MSI2: variants seen among roughly 807,000 people sequenced by gnomAD.
The protein encoded by MSI2 is musashi RNA binding protein 2.
Under a neutral mutation model 45.6 loss-of-function variants are expected in MSI2, and 17 were observed. The observed-to-expected ratio is 0.37, with a 90% confidence interval of 0.26 to 0.56. The LOEUF is 0.56. MSI2 is among the 20% of genes least tolerant of loss of function. The probability of loss-of-function intolerance (pLI) is 0.77; values close to 1 mark genes in which losing one functional copy is unlikely to be tolerated. For missense variants in MSI2, 293 were observed against 444.2 expected (o/e 0.66, Z 3.06); for synonymous variants, 156 against 158.2 (o/e 0.99, Z 0.11).
chr17:57,400,445 C>T (rs540233201), intron 5 of MSI2, among the ~76,000 whole-genome samples: 6 of 152,226 alleles, frequency 3.9e-5, no homozygotes, highest in African/African-American at 1.4e-4. Context: ...TTTTTTCACA[C>T]GTACATCTAC....
At chr17:57,508,301 A>G (rs1244391709) in intron 6 of MSI2, among the ~76,000 whole-genome samples, 2 of 152,146 alleles carry the variant, frequency 1.3e-5, no homozygotes, top group African/African-American at 4.8e-5. Flanking sequence ...GCCCGTATCC[A>G]GCGCAGACTT....
chr17:57,380,660 G>A (rs2083583708), intron 5 of MSI2, among the ~76,000 whole-genome samples: 1 of 152,202 alleles, frequency 6.6e-6, no homozygotes, highest in Non-Finnish European at 1.5e-5. Flanking sequence ...GTGGATGTGG[G>A]TTTTGCCTTC....
At chr17:57,560,634 G>A (rs946002338) in intron 7 of MSI2, among the ~76,000 whole-genome samples, 1 of 152,310 alleles carries the variant, frequency 6.6e-6, no homozygotes, top group Admixed American at 6.5e-5. Flanking sequence ...CTCCTTATCT[G>A]CAAGATGGGG....
intron 5 of MSI2, among the ~76,000 whole-genome samples, chr17:57,309,507 C>T (rs1912192563): frequency 1.3e-5 from 2 of 152,190 alleles, no homozygotes; most frequent in Admixed American, 1.3e-4. Context: ...TGTAATAAAA[C>T]ATGAATATAT....
At chr17:57,632,860 A>G (rs1158824373) in intron 10 of MSI2, 6 of 1,063,728 alleles carry the variant, frequency 5.6e-6, no homozygotes, top group Non-Finnish European at 6.8e-6. Flanking sequence ...TTGAGACCCT[A>G]CATGTGCAGT....
the MSI2 span, among the ~76,000 whole-genome samples, chr17:57,700,596 A>G: frequency 2.6e-5 from 4 of 152,174 alleles, no homozygotes; most frequent in Non-Finnish European, 5.9e-5. Context: ...CAAGCAATGA[A>G]TGACCCTATC....
chr17:57,513,101 G>A (rs970653965), intron 6 of MSI2, among the ~76,000 whole-genome samples: 2 of 151,236 alleles, frequency 1.3e-5, no homozygotes, highest in Non-Finnish European at 2.9e-5. Context: ...AGCCTCCTGA[G>A]TAGCCGGAAT....
chr17:57,426,714 T>C (rs1269443160), intron 6 of MSI2, among the ~76,000 whole-genome samples: 1 of 152,230 alleles, frequency 6.6e-6, no homozygotes, highest in African/African-American at 2.4e-5. Flanking sequence ...GCCTTGGAAA[T>C]GCACAGGCCT....
At chr17:57,468,284 T>G (rs565679475) in intron 6 of MSI2, among the ~76,000 whole-genome samples, 26 of 151,402 alleles carry the variant, frequency 1.7e-4, no homozygotes, top group African/African-American at 6.3e-4. Flanking sequence ...CCCAGCACTT[T>G]GGGAGGCCGA....
intron 10 of MSI2, among the ~76,000 whole-genome samples, chr17:57,645,554 G>A (rs1910592434): frequency 6.6e-6 from 1 of 151,690 alleles, no homozygotes; most frequent in African/African-American, 2.4e-5. Flanking sequence ...TCATGCCTCA[G>A]TCTCCTGAGC....
At chr17:57,691,268 G>T in the MSI2 span, among the ~76,000 whole-genome samples, 1 of 150,818 alleles carries the variant, frequency 6.6e-6, no homozygotes, top group Non-Finnish European at 1.5e-5. Context: ...TATCTTGGTT[G>T]TATCTTTATA....
chr17:57,428,829 A>G (rs1318303070), intron 6 of MSI2, among the ~76,000 whole-genome samples: 1 of 152,022 alleles, frequency 6.6e-6, no homozygotes, highest in Non-Finnish European at 1.5e-5. Context: ...TCCAAGGTAA[A>G]CACACCCAGT....
chr17:57,561,242 C>G (rs8067843), intron 7 of MSI2, among the ~76,000 whole-genome samples: 84,744 of 151,894 alleles, frequency 0.56, 24,780 homozygotes, highest in African/African-American at 0.76. Flanking sequence ...GGGAGCTTTG[C>G]ACAGGGTTCT....
chr17:57,512,122 C>T (rs1479850327), intron 6 of MSI2, among the ~76,000 whole-genome samples: 4 of 152,168 alleles, frequency 2.6e-5, no homozygotes, highest in African/African-American at 9.7e-5. Flanking sequence ...CCTGTATGTG[C>T]GCTGCATGGG....
At chr17:57,454,139 T>C (rs1314469621) in intron 6 of MSI2, among the ~76,000 whole-genome samples, 1 of 152,220 alleles carries the variant, frequency 6.6e-6, no homozygotes, top group African/African-American at 2.4e-5. Context: ...AGGAGCTCTG[T>C]GCAGATCTTG....
chr17:57,523,912 C>T (rs1340678486), intron 6 of MSI2, among the ~76,000 whole-genome samples: 4 of 152,112 alleles, frequency 2.6e-5, no homozygotes, highest in African/African-American at 4.8e-5. Flanking sequence ...GTATGAGTTA[C>T]CTATGGCCAC....
At chr17:57,600,195 A>G (rs1257517534) in intron 8 of MSI2, among the ~76,000 whole-genome samples, 1 of 152,224 alleles carries the variant, frequency 6.6e-6, no homozygotes, top group Non-Finnish European at 1.5e-5. Context: ...AAGAACATGG[A>G]TGATTGTTAG....
At chr17:57,291,452 G>A (rs934342210) in intron 5 of MSI2, among the ~76,000 whole-genome samples, 7 of 152,192 alleles carry the variant, frequency 4.6e-5, no homozygotes, top group African/African-American at 1.2e-4. Context: ...GTAAATTAAA[G>A]TTGATTTATT....
In MSI2 at chr17:57,256,998, C is replaced by T; in HGVS notation, c.63-100C>T. The T allele has an allele frequency of 1.9e-6, 3 of 1,587,146 alleles. No homozygotes were observed. In the South Asian group the frequency reaches 3.3e-5, roughly 18 times the overall value. On this transcript the variant is annotated intron_variant, in intron 1 of 13. Transcript: ENST00000284073. ...CCCACCCCACCTCCCGGCTCTCGCT[C>T]GCTCGCTCCCCCCCGCTTTCCTTTT...
Sources: allele counts gnomAD v4.1 joint callset (sites outside exome capture counted in the v4.1 genomes callset), GRCh38; gene constraint gnomAD v4.1.1; transcripts MANE v1.5; gene names NCBI Gene and HGNC (gene_info 2026-07-23, HGNC 2026-07-21).